EHBP1: variants seen among roughly 807,000 people sequenced by gnomAD.
EHBP1 encodes the protein EH domain-binding protein 1.
Under a neutral mutation model 144.0 loss-of-function variants are expected in EHBP1, and 55 were observed. The ratio of observed to expected loss-of-function variants is 0.38; its 90% CI spans 0.31 to 0.48. The LOEUF is 0.48. EHBP1 is among the 20% of genes least tolerant of loss of function. The pLI is 0.98. For missense variants in EHBP1, 1,200 were observed against 1,364.2 expected, an observed-to-expected ratio of 0.88 and a Z score of 1.90; for synonymous variants, 469 against 472.7, an observed-to-expected ratio of 0.99 and a Z score of 0.10.
chr2:62,797,632 C>A lies in EHBP1; in HGVS notation c.312+26240C>A, dbSNP rs981835220. 1.9e-4 allele frequency among the ~76,000 whole-genome samples: 29 copies of A among 152,128 alleles called. 1 individual carries two copies. The highest frequency in any genetic ancestry group is 1.0e-3 in the Admixed American group (16 of 15,256). On this transcript the variant is annotated intron_variant, in intron 5 of 22. Transcript: ENST00000431489. ...TTTTACTTAATAGGCAAACTTTTGCCTGTTAATTGTGGATGGAGGATACCC... is the reference window on the plus strand; with the variant it reads ...TTTTACTTAATAGGCAAACTTTTGCATGTTAATTGTGGATGGAGGATACCC...
chr2:63,019,596 A>G (rs2060617488), intron 19 of EHBP1, among the ~76,000 whole-genome samples: 3 of 151,592 alleles, frequency 2.0e-5, no homozygotes, highest in Admixed American at 2.0e-4. Flanking sequence ...AGTCCCAGCT[A>G]CTCGGGAGGC....
chr2:62,961,866 T>C (rs1237773267), intron 14 of EHBP1, among the ~76,000 whole-genome samples: 1 of 151,850 alleles, frequency 6.6e-6, no homozygotes, highest in Non-Finnish European at 1.5e-5. Flanking sequence ...CCATCTCTGC[T>C]AAAAACAGAA....
intron 7 of EHBP1, among the ~76,000 whole-genome samples, chr2:62,854,013 T>G (rs1292433374): frequency 6.6e-6 from 1 of 152,212 alleles, no homozygotes; most frequent in Non-Finnish European, 1.5e-5. Flanking sequence ...CACAGTACAT[T>G]TAGCATCATT....
At chr2:62,938,859 G>A (rs1285781610) in intron 10 of EHBP1, among the ~76,000 whole-genome samples, 1 of 152,056 alleles carries the variant, frequency 6.6e-6, no homozygotes, top group African/African-American at 2.4e-5. Context: ...TGATCTTGAA[G>A]AAATTCATGG....
intron 3 of EHBP1, among the ~76,000 whole-genome samples, chr2:62,748,985 C>A (rs1321960713): frequency 6.6e-6 from 1 of 151,830 alleles, no homozygotes; most frequent in Non-Finnish European, 1.5e-5. Context: ...TCACTTTTTT[C>A]TTTTTTATTT....
chr2:62,909,106 C>T (rs756163349), intron 10 of EHBP1, among the ~76,000 whole-genome samples: 2 of 152,098 alleles, frequency 1.3e-5, no homozygotes, highest in Non-Finnish European at 2.9e-5. Flanking sequence ...GTGCAAGTAC[C>T]GTTTTGTTAC....
At chr2:62,872,675 A>C (rs1483172386) in intron 9 of EHBP1, among the ~76,000 whole-genome samples, 2 of 152,124 alleles carry the variant, frequency 1.3e-5, no homozygotes, top group African/African-American at 4.8e-5. Context: ...ATATTGTTCT[A>C]CCATTACCAC....
intron 14 of EHBP1, among the ~76,000 whole-genome samples, chr2:62,974,481 C>T (rs2058630422): frequency 6.6e-6 from 1 of 151,996 alleles, no homozygotes; most frequent in African/African-American, 2.4e-5. Context: ...TTTGCGTATA[C>T]CCTTCCAAAT....
intron 9 of EHBP1, chr2:62,872,188 A>G (rs969052441): frequency 2.6e-5 from 4 of 152,120 alleles, no homozygotes; most frequent in Non-Finnish European, 5.9e-5. Flanking sequence ...TTTTCTCTCT[A>G]TAATTCATTT....
intron 2 of EHBP1, among the ~76,000 whole-genome samples, chr2:62,740,150 T>C (rs2038565921): frequency 6.6e-6 from 1 of 152,172 alleles, no homozygotes; most frequent in African/African-American, 2.4e-5. Flanking sequence ...GCATTATCAG[T>C]TATTTTTAAC....
intron 10 of EHBP1, among the ~76,000 whole-genome samples, chr2:62,935,582 T>C (rs1189022423): frequency 6.6e-6 from 1 of 152,036 alleles, no homozygotes; most frequent in Non-Finnish European, 1.5e-5. Context: ...AATTCTCTTA[T>C]TAATTCTAAT....
At chr2:62,982,450 A>G (rs1411311352) in intron 15 of EHBP1, among the ~76,000 whole-genome samples, 1 of 152,220 alleles carries the variant, frequency 6.6e-6, no homozygotes, top group East Asian at 1.9e-4. Context: ...AGCAAATTCA[A>G]AATTCACTTG....
rs2059380763 is a variant in EHBP1, at chr2:62,990,734, T to C, written c.2627T>C (p.Val876Ala). ...KASGEQNSKL[V>A]DLKLKKLLEV... Reference sequence around the variant, plus strand: ...TTAACAGAACAAAACAGTAAGTTGGTGGACTTGAAGCTGAAGAAGCTCCTA... The same window carrying C: ...TTAACAGAACAAAACAGTAAGTTGGCGGACTTGAAGCTGAAGAAGCTCCTA... The change falls in exon 16 of 23, where the codon GTG becomes GCG. Residue 876 changes from valine to alanine, a missense_variant. By Grantham distance (64) the Val-to-Ala change is moderately conservative. This residue lies in a region of EHBP1 where 543 missense variants were observed against 513.1 expected (regional missense o/e 1.06). Coordinates refer to ENST00000431489, the MANE Select transcript of EHBP1 (RefSeq NM_001142616.3). 1 of 1,613,852 alleles carries C rather than the reference T, an allele frequency of 6.2e-7. No homozygotes were observed. Among genetic ancestry groups the C allele is most frequent in the African/African-American group, 1.3e-5 (1 of 75,044 alleles).
chr2:63,016,495 A>G (rs1189354053), intron 19 of EHBP1, among the ~76,000 whole-genome samples: 2 of 151,898 alleles, frequency 1.3e-5, no homozygotes, highest in Non-Finnish European at 2.9e-5. Flanking sequence ...CAATGGTGTC[A>G]TCTCGGCTCC....
At chr2:62,898,582 A>C (rs2053134602) in intron 10 of EHBP1, among the ~76,000 whole-genome samples, 1 of 152,184 alleles carries the variant, frequency 6.6e-6, no homozygotes, top group Non-Finnish European at 1.5e-5. Context: ...TTCCCTGAGT[A>C]CCCTATATAA....
intron 19 of EHBP1, among the ~76,000 whole-genome samples, chr2:63,007,741 G>A (rs529708523): frequency 4.0e-5 from 6 of 151,676 alleles, no homozygotes; most frequent in Admixed American, 6.6e-5. Context: ...AGTTAAAAGC[G>A]TATTGATGAT....
At chr2:62,735,727 A>G (rs1239274826) in intron 2 of EHBP1, among the ~76,000 whole-genome samples, 1 of 152,070 alleles carries the variant, frequency 6.6e-6, no homozygotes, top group Non-Finnish European at 1.5e-5. Flanking sequence ...AACAAAATCC[A>G]ATTTTTGTTT....
At chr2:62,894,218 A>G (rs536050846) in intron 10 of EHBP1, among the ~76,000 whole-genome samples, 1 of 152,352 alleles carries the variant, frequency 6.6e-6, no homozygotes, top group South Asian at 2.1e-4. Flanking sequence ...TAGCAAGCCC[A>G]AAAACTACCC....
chr2:62,949,099 G>C lies in EHBP1; in HGVS notation c.2253G>C (p.Glu751Asp). The C allele has an allele frequency of 6.3e-7, 1 of 1,595,898 alleles. No individual in the cohort carries two copies. Among genetic ancestry groups the C allele is most frequent in the South Asian group, 1.2e-5 (1 of 86,862 alleles). Residue 751 changes from glutamate to aspartate, a missense_variant, in exon 13 of 23, where the codon GAG becomes GAC. By Grantham distance (45) the Glu-to-Asp change is conservative. Around this residue, in one of 6 missense-constraint regions of EHBP1, gnomAD observed 543 missense variants for 513.1 expected, o/e 1.06. Transcript: ENST00000431489. ...AACATGCTTCCCTGAGGCAGACGGA[G>C]TCTGATCCAGATGCTGATAGAACCA... is the stretch of plus-strand genomic sequence containing the variant. ...KKKHASLRQT[E>D]SDPDADRTTL...
Sources: gnomAD v4.1 joint callset for allele counts (sites outside exome capture counted in the v4.1 genomes callset) on GRCh38, gnomAD v4.1.1 for gene constraint, gnomAD v4.1.1 regional missense constraint, MANE v1.5 for transcripts, NCBI Gene and HGNC (gene_info 2026-07-23, HGNC 2026-07-21) for gene names.